The following NTMT2 variants were observed in gnomAD, a reference collection of about 807,000 sequenced individuals.
NTMT2 encodes the protein X-Pro-Lys N-terminal protein methyltransferase 1B.
Under a neutral mutation model 23.4 loss-of-function variants are expected in NTMT2, and 21 were observed. The observed-to-expected ratio is 0.90, with a 90% CI of 0.64 to 1.29. The LOEUF is 1.29. NTMT2 is among the 50% of genes most tolerant of loss of function. The probability of loss-of-function intolerance (pLI) is 0.00; values close to 1 mark genes in which losing one functional copy is unlikely to be tolerated. For synonymous variants in NTMT2, 131 were observed against 127.7 expected (o/e 1.03, Z -0.17); for missense variants, 336 against 352.0 (o/e 0.95, Z 0.36).
rs1487276038 is a variant in NTMT2 at position 170,167,610 on chromosome 1, C to T, written c.705C>T (p.Asp235=). 11 of 1,551,598 alleles carry T rather than the reference C, an allele frequency of 7.1e-6. No individual in the cohort carries two copies. In the Admixed American group the frequency reaches 1.4e-4, roughly 19 times the overall value. The part of the protein sequence containing the change: ...AREGCILDLS[D]SSVTRDMDIL... The stretch of plus-strand genomic sequence containing the variant: ...AGGGCTGTATCCTTGATCTCTCTGA[C>T]AGCAGTGTGACTCGGGACATGGACA... The change falls in exon 4 of 4, where the codon GAC becomes GAT. Residue 235 remains aspartate (D), a synonymous_variant. Transcript: ENST00000439373.
intron 2 of NTMT2, among the ~76,000 whole-genome samples, chr1:170,162,856 C>CTTTA (rs61583139): frequency 0.02 from 3,048 of 148,848 alleles, 84 homozygotes; most frequent in African/African-American, 0.069. Context: ...AAAATCCCTG[C>CTTTA]TTTATTTATT....
intron 1 of NTMT2, among the ~76,000 whole-genome samples, chr1:170,148,142 C>CTT (rs371620511): frequency 0.13 from 9,380 of 74,486 alleles, 1,465 homozygotes; most frequent in African/African-American, 0.14. Flanking sequence ...TGAGGCACTC[C>CTT]TTTTTTTTTT....
intron 1 of NTMT2, among the ~76,000 whole-genome samples, chr1:170,159,053 A>C (rs1264929983): frequency 6.6e-6 from 1 of 151,226 alleles, no homozygotes; most frequent in Non-Finnish European, 1.5e-5. Context: ...ATTTATCCAC[A>C]TTTAGGAATA....
intron 1 of NTMT2, 61 bp from the exon 2 acceptor site, chr1:170,160,457 T>C: frequency 7.4e-7 from 1 of 1,346,070 alleles, no homozygotes; most frequent in Non-Finnish European, 9.8e-7. Flanking sequence ...ATGCAATGCA[T>C]AAAGCTGAGA....
intron 1 of NTMT2, among the ~76,000 whole-genome samples, chr1:170,149,244 G>C (rs17349866): frequency 0.025 from 3,762 of 152,310 alleles, 74 homozygotes; most frequent in Non-Finnish European, 0.041. Flanking sequence ...GGGAAATCAG[G>C]CTACCAGTTC....
intron 1 of NTMT2, among the ~76,000 whole-genome samples, chr1:170,153,397 T>A (rs1296924672): frequency 6.6e-6 from 1 of 152,102 alleles, no homozygotes; most frequent in Non-Finnish European, 1.5e-5. Flanking sequence ...GAAGACAAGA[T>A]GATGAGGAAA....
Position 170,160,674 on chromosome 1 carries a change from T to G in NTMT2, c.311T>G (p.Phe104Cys), listed in dbSNP as rs1420071804. Residue 104 changes from phenylalanine (F) to cysteine (C), a missense_variant, in exon 2 of 4, where the codon TTT (phenylalanine) becomes TGT (cysteine). Physicochemically the swap from Phe to Cys is radical, Grantham distance 205 (BLOSUM62 -2). Transcript: ENST00000439373. ...CCAGACATCCAGGCCTCTCAGAAAT[T>G]TCTTAGGAAATTTGTTGGGGTGAGT... ...SSPDIQASQK[F>C]LRKFVGGPGR... 6.6e-7 allele frequency: 1 copy of G among 1,526,598 alleles called. No homozygotes were observed. Among genetic ancestry groups the G allele is most frequent in the Non-Finnish European group, 8.8e-7 (1 of 1,139,808 alleles). The allele number at this position is 1,526,598 out of a possible 1,614,324, so 94.6% of individuals were successfully genotyped here.
In NTMT2 at chr1:170,148,868, A is replaced by C. The variant is rs533845150; in HGVS notation, c.154+2607A>C. Among the ~76,000 whole-genome samples the C allele has an allele frequency of 3.9e-5, 6 of 152,298 alleles. No individual in the cohort carries two copies. The South Asian group carries it at 1.2e-3, about 32-fold the overall frequency. On this transcript the variant is annotated intron_variant, in intron 1 of 3. Coordinates refer to ENST00000439373, the MANE Select transcript of NTMT2 (RefSeq NM_001136107.2). The stretch of plus-strand genomic sequence containing the variant: ...TAGAGCAGCCAAAGTTTTGTCTACT[A>C]GCTCTTAAAAACTTCAGCCCCAAAG...
chr1:170,147,804 G>A (rs498694), intron 1 of NTMT2, among the ~76,000 whole-genome samples: 152,059 of 152,340 alleles, frequency 1, 75,890 homozygotes, highest in Non-Finnish European at 1. Flanking sequence ...CTGAAGATGA[G>A]TTAAAAAGTT....
chr1:170,156,468 G>A (rs1673166419), intron 1 of NTMT2, among the ~76,000 whole-genome samples: 1 of 152,056 alleles, frequency 6.6e-6, no homozygotes, highest in African/African-American at 2.4e-5. Flanking sequence ...AGTAAACAGT[G>A]GAAGGTCCTT....
Position 170,167,606 on chromosome 1 carries a change from C to G in NTMT2, c.701C>G (p.Ser234Cys), listed in dbSNP as rs1673420864. The G allele has an allele frequency of 6.4e-7, 1 of 1,551,694 alleles. No individual in the cohort carries two copies. The highest frequency in any genetic ancestry group is 8.7e-7 in the Non-Finnish European group (1 of 1,146,978). ...VAREGCILDL[S>C]DSSVTRDMDI... is the part of the protein sequence containing the mutation. ...CGGGAGGGCTGTATCCTTGATCTCT[C>G]TGACAGCAGTGTGACTCGGGACATG... Residue 234 changes from serine (S) to cysteine (C), a missense_variant, in exon 4 of 4, where the codon TCT becomes TGT. Coordinates refer to ENST00000439373, the MANE Select transcript of NTMT2 (RefSeq NM_001136107.2).
intron 1 of NTMT2, among the ~76,000 whole-genome samples, chr1:170,148,733 A>T (rs905735563): frequency 2.6e-5 from 4 of 152,166 alleles, no homozygotes; most frequent in Non-Finnish European, 5.9e-5. Context: ...CATTTTCAAC[A>T]TGCATTATTG....
chr1:170,162,074 A>G (rs1323139621), intron 2 of NTMT2, among the ~76,000 whole-genome samples: 1 of 152,254 alleles, frequency 6.6e-6, no homozygotes, highest in East Asian at 1.9e-4. Flanking sequence ...TGGGTGGCAC[A>G]GCGAGACTCC....
chr1:170,146,386 A>G, intron 1 of NTMT2, 125 bp downstream of exon 1: 3 of 847,536 alleles, frequency 3.5e-6, no homozygotes, highest in Non-Finnish European at 3.6e-6. Context: ...CTCCACAACC[A>G]ATGTCACTGG....
At chr1:170,151,584 A>T (rs1227299236) in intron 1 of NTMT2, 1 of 152,906 alleles carries the variant, frequency 6.5e-6, no homozygotes, top group Non-Finnish European at 1.5e-5. Context: ...TTGTACAATG[A>T]TACATTTTCA....
chr1:170,159,852 A>T (rs1041482930), intron 1 of NTMT2, among the ~76,000 whole-genome samples: 1 of 152,228 alleles, frequency 6.6e-6, no homozygotes, highest in Admixed American at 6.5e-5. Flanking sequence ...GTTGGAACAC[A>T]TATTTTTCTT....
intron 1 of NTMT2, 124 bp downstream of exon 1, chr1:170,146,385 C>A: frequency 9.3e-6 from 8 of 856,258 alleles, no homozygotes; most frequent in Non-Finnish European, 1.4e-5. Context: ...ACTCCACAAC[C>A]AATGTCACTG....
intron 1 of NTMT2, among the ~76,000 whole-genome samples, chr1:170,148,378 C>T (rs1673008993): frequency 6.6e-6 from 1 of 151,810 alleles, no homozygotes; most frequent in South Asian, 2.1e-4. Context: ...GTCTTGATCT[C>T]CTGACCTCGT....
chr1:170,165,866 C>G (rs1302306548), intron 2 of NTMT2, among the ~76,000 whole-genome samples: 1 of 150,696 alleles, frequency 6.6e-6, no homozygotes, highest in African/African-American at 2.4e-5. Flanking sequence ...AGAAAATTAC[C>G]AAGTGTTTAA....
Sources: allele counts gnomAD v4.1 joint callset (sites outside exome capture counted in the v4.1 genomes callset), GRCh38; gene constraint gnomAD v4.1.1; transcripts MANE v1.5; gene names NCBI Gene and HGNC (gene_info 2026-07-23, HGNC 2026-07-21).